The following CDYL variants were observed in gnomAD, a reference collection of about 807,000 sequenced individuals.
CDYL encodes the protein chromodomain Y like.
A neutral mutation model predicts 47.3 loss-of-function variants in CDYL; 8 were observed. That is an observed-to-expected ratio of 0.17 (90% CI 0.10 to 0.31). The LOEUF (loss-of-function observed/expected upper bound fraction) is 0.31. CDYL is among the 10% of genes least tolerant of loss of function. CDYL has a pLI of 1.00. For missense variants in CDYL, 471 were observed against 701.4 expected (o/e 0.67, Z 3.71); for synonymous variants, 266 against 265.0 (o/e 1.00, Z -0.04).
At chr6:4,938,431 G>A (rs1324155861) in intron 4 of CDYL, among the ~76,000 whole-genome samples, 1 of 152,046 alleles carries the variant, frequency 6.6e-6, no homozygotes, top group Non-Finnish European at 1.5e-5. Context: ...ATAATTTTCA[G>A]TTTAATTTTT....
intron 1 of CDYL, among the ~76,000 whole-genome samples, chr6:4,811,918 C>G (rs1759539190): frequency 6.6e-6 from 1 of 152,196 alleles, no homozygotes; most frequent in Non-Finnish European, 1.5e-5. Flanking sequence ...TTCATCAGCT[C>G]TTAGTGTTGG....
At chr6:4,741,696 C>T (rs1012887643) in intron 3 of CDYL, among the ~76,000 whole-genome samples, 4 of 152,144 alleles carry the variant, frequency 2.6e-5, no homozygotes, top group African/African-American at 9.7e-5. Context: ...ACTTAATGGT[C>T]AAGGAAGCAG....
chr6:4,786,131 G>A (rs1455616242), intron 1 of CDYL, among the ~76,000 whole-genome samples: 1 of 152,208 alleles, frequency 6.6e-6, no homozygotes, highest in African/African-American at 2.4e-5. Flanking sequence ...AGAGGAGTCA[G>A]CAGGAATTCT....
At chr6:4,811,516 C>T (rs1031308839) in intron 1 of CDYL, among the ~76,000 whole-genome samples, 13 of 152,080 alleles carry the variant, frequency 8.5e-5, no homozygotes, top group African/African-American at 2.7e-4. Context: ...CATCATGAGG[C>T]TCCTAGAATT....
rs1305177502 is a variant in CDYL, at chr6:4,951,750, G to GTTT, written c.1333-516_1333-515insTTT. Among the ~76,000 whole-genome samples the GTTT allele has an allele frequency of 2.0e-5, 3 of 151,884 alleles. No homozygotes were observed. In the East Asian group the frequency reaches 5.8e-4, roughly 29 times the overall value. On this transcript the variant is annotated intron_variant, in intron 5 of 6. Transcript: ENST00000397588. The stretch of plus-strand genomic sequence containing the variant: ...TGTATATTAAAAACAAGTCACCATT[G>GTTT]GCCTCCCAGATAAAGAAAAGGTTTG...
At chr6:4,811,539 A>T (rs987086160) in intron 1 of CDYL, among the ~76,000 whole-genome samples, 1 of 152,022 alleles carries the variant, frequency 6.6e-6, no homozygotes, top group Non-Finnish European at 1.5e-5. Context: ...GTAAGGAGAT[A>T]CTCAAAAGTA....
chr6:4,767,319 A>G (rs1409711635), intron 3 of CDYL, among the ~76,000 whole-genome samples: 1 of 152,082 alleles, frequency 6.6e-6, no homozygotes, highest in African/African-American at 2.4e-5. Context: ...TCACACCTGT[A>G]ACCCTAGCAC....
chr6:4,849,131 A>G (rs1760747763), intron 1 of CDYL, among the ~76,000 whole-genome samples: 1 of 152,158 alleles, frequency 6.6e-6, no homozygotes, highest in African/African-American at 2.4e-5. Context: ...TTATTTAGGA[A>G]CATCTAGATG....
At chr6:4,873,627 A>G (rs894051620) in intron 1 of CDYL, among the ~76,000 whole-genome samples, 2 of 152,190 alleles carry the variant, frequency 1.3e-5, no homozygotes, top group Non-Finnish European at 2.9e-5. Context: ...TAGAACATTA[A>G]CTTACATTTA....
intron 1 of CDYL, among the ~76,000 whole-genome samples, chr6:4,821,501 A>G (rs1395005294): frequency 6.6e-6 from 1 of 151,950 alleles, no homozygotes; most frequent in African/African-American, 2.4e-5. Flanking sequence ...TGGGGGGCCG[A>G]AGCGGGCGGA....
At chr6:4,852,170 T>C (rs1357051332) in intron 1 of CDYL, among the ~76,000 whole-genome samples, 1 of 152,232 alleles carries the variant, frequency 6.6e-6, no homozygotes, top group Non-Finnish European at 1.5e-5. Flanking sequence ...CTGATGATCC[T>C]TGCTGAATCT....
At chr6:4,775,160 C>T (rs889413911), upstream of CDYL, 1 of 153,042 alleles carries the variant, frequency 6.5e-6, no homozygotes, top group African/African-American at 2.4e-5. This position sits in a 1 kb window ranked among gnomAD's most constrained non-coding sequence, Gnocchi z 7.0. Flanking sequence ...TGAGGCGGCC[C>T]GAAGGATGCC....
Position 4,892,138 on chromosome 6 carries a change from G to A in CDYL, c.450G>A (p.Lys150=). 1 of 1,614,266 alleles carries A rather than the reference G, an allele frequency of 6.2e-7. No homozygotes were observed. The change falls in exon 2 of 7, where the codon AAG becomes AAA. Residue 150 remains lysine (K), a synonymous_variant. Coordinates refer to ENST00000397588, the MANE Select transcript of CDYL (RefSeq NM_004824.4). ...TCCTCGTGCCTAAAAGCCCCGTTAAGAGCAGGACCGCAGTGGACGGCTTTC... is the reference window on the plus strand; with the variant it reads ...TCCTCGTGCCTAAAAGCCCCGTTAAAAGCAGGACCGCAGTGGACGGCTTTC... ...IKILVPKSPV[K]SRTAVDGFQS... is the part of the protein sequence containing the mutation.
At chr6:4,819,493 CATGT>C (rs894945089) in intron 1 of CDYL, among the ~76,000 whole-genome samples, 4 of 152,212 alleles carry the variant, frequency 2.6e-5, no homozygotes, top group Admixed American at 2.0e-4. Context: ...TGACAACCTT[CATGT>C]ATTGGGAACT....
intron 1 of CDYL, among the ~76,000 whole-genome samples, chr6:4,828,571 A>C (rs1354305846): frequency 6.6e-6 from 1 of 152,054 alleles, no homozygotes; most frequent in Non-Finnish European, 1.5e-5. Context: ...TGCTTCCAAT[A>C]GTTTGATTAT....
chr6:4,862,313 T>C (rs962266585), intron 1 of CDYL, among the ~76,000 whole-genome samples: 2 of 152,212 alleles, frequency 1.3e-5, no homozygotes, highest in Non-Finnish European at 2.9e-5. Flanking sequence ...ATTTTCGTTC[T>C]TTTTTGAGGG....
At chr6:4,734,694 G>A in intron 2 of CDYL, 2 of 1,594,990 alleles carry the variant, frequency 1.3e-6, no homozygotes, top group South Asian at 2.3e-5. Context: ...TGGGGATGGA[G>A]GGAAGATGGG....
intron 3 of CDYL, among the ~76,000 whole-genome samples, chr6:4,749,311 G>A (rs6909022): frequency 2.4e-5 from 3 of 126,450 alleles, no homozygotes; most frequent in African/African-American, 5.5e-5. Flanking sequence ...ATGGATAGAT[G>A]GATGGATGGA....
chr6:4,938,235 T>TG (rs1033906138), intron 4 of CDYL, among the ~76,000 whole-genome samples: 21 of 83,604 alleles, frequency 2.5e-4, no homozygotes, highest in South Asian at 9.4e-4. Flanking sequence ...TTTTTGTTGT[T>TG]TTTTTTTTTT....
Sources: allele counts gnomAD v4.1 joint callset (sites outside exome capture counted in the v4.1 genomes callset), GRCh38; gene constraint gnomAD v4.1.1; non-coding constraint Gnocchi (gnomAD v3.1); transcripts MANE v1.5; gene names NCBI Gene and HGNC (gene_info 2026-07-23, HGNC 2026-07-21).